Variants in RFX3 observed in about 807,000 individuals in gnomAD.
RFX3 encodes the protein transcription factor RFX3.
Under a neutral mutation model 98.6 loss-of-function variants are expected in RFX3, and 14 were observed. The observed-to-expected ratio is 0.14, with a 90% CI of 0.09 to 0.22. The LOEUF (loss-of-function observed/expected upper bound fraction) is 0.22. RFX3 is among the 10% of genes least tolerant of loss of function. The pLI is 1.00. For synonymous variants in RFX3, 383 were observed against 328.4 expected, an observed-to-expected ratio of 1.17 and a Z score of -1.80; for missense variants, 639 against 926.9, an observed-to-expected ratio of 0.69 and a Z score of 4.03.
chr9:3,439,599 G>A (rs1046444316), intron 1 of RFX3, among the ~76,000 whole-genome samples: 6 of 151,890 alleles, frequency 4.0e-5, no homozygotes, highest in African/African-American at 1.4e-4. Context: ...GCTCACTCAA[G>A]AAGAAACAAA....
Position 3,482,514 on chromosome 9 carries a change from T to C in RFX3, c.-9+43233A>G, listed in dbSNP as rs530340149. Among the ~76,000 whole-genome samples the C allele has an allele frequency of 3.7e-4, 57 of 152,314 alleles. No homozygotes were observed. The South Asian group carries it at 0.012, about 32-fold the overall frequency. On this transcript the variant is annotated intron_variant, in intron 1 of 16. Transcript: ENST00000617270. ...TTATAATTGCAATTTAATAAAATTG[T>C]TTTCACTTAAAATAATGTCAACTGT... is the stretch of plus-strand genomic sequence containing the variant.
chr9:3,271,312 A>C (rs1209395092), intron 9 of RFX3, among the ~76,000 whole-genome samples, 194 bp from the exon 10 acceptor site: 1 of 151,980 alleles, frequency 6.6e-6, no homozygotes, highest in East Asian at 1.9e-4. Flanking sequence ...AAGAAGATAA[A>C]GAGGGGAAAA....
chr9:3,288,668 G>A (rs1471199579), intron 6 of RFX3, among the ~76,000 whole-genome samples: 1 of 152,012 alleles, frequency 6.6e-6, no homozygotes. Context: ...TTATTGTAAA[G>A]CATGTATATA....
At chr9:3,452,386 T>C (rs770656269) in intron 1 of RFX3, 4 of 313,988 alleles carry the variant, frequency 1.3e-5, no homozygotes, top group Non-Finnish European at 2.8e-5. Context: ...ACACTAGGAG[T>C]TCAAGTCCAG....
At chr9:3,410,903 C>T (rs1842412328) in intron 1 of RFX3, among the ~76,000 whole-genome samples, 1 of 152,088 alleles carries the variant, frequency 6.6e-6, no homozygotes, top group African/African-American at 2.4e-5. Flanking sequence ...TTACCCATGC[C>T]TAATTTACAT....
chr9:3,464,901 T>A (rs1010620355), intron 1 of RFX3, among the ~76,000 whole-genome samples: 1 of 151,820 alleles, frequency 6.6e-6, no homozygotes, highest in African/African-American at 2.4e-5. Flanking sequence ...CACATAAACA[T>A]GTAAATACTT....
chr9:3,453,234 A>G (rs1018943169), intron 1 of RFX3, among the ~76,000 whole-genome samples: 4 of 152,098 alleles, frequency 2.6e-5, no homozygotes, highest in African/African-American at 7.2e-5. Flanking sequence ...TGGATCCAGA[A>G]GCAACTCCCA....
At chr9:3,383,197 A>C (rs1236674112) in intron 2 of RFX3, among the ~76,000 whole-genome samples, 1 of 152,010 alleles carries the variant, frequency 6.6e-6, no homozygotes, top group Non-Finnish European at 1.5e-5. Flanking sequence ...TGATGTTCAT[A>C]CTTAGAGTCT....
chr9:3,482,450 G>A (rs1480752164), intron 1 of RFX3, among the ~76,000 whole-genome samples: 1 of 152,074 alleles, frequency 6.6e-6, no homozygotes, highest in Non-Finnish European at 1.5e-5. Flanking sequence ...GTACGTTTCT[G>A]TATTTTCTGA....
intron 5 of RFX3, among the ~76,000 whole-genome samples, chr9:3,295,423 G>A (rs966795430): frequency 4.6e-5 from 7 of 152,016 alleles, no homozygotes; most frequent in Non-Finnish European, 1.0e-4. Flanking sequence ...ACTAGACAGA[G>A]CAAGGGTTGA....
intron 3 of RFX3, among the ~76,000 whole-genome samples, chr9:3,332,720 G>A (rs1256432043): frequency 6.6e-6 from 1 of 152,044 alleles, no homozygotes; most frequent in Non-Finnish European, 1.5e-5. Context: ...CTCGAGACTT[G>A]GTATTAGCCA....
intron 4 of RFX3, among the ~76,000 whole-genome samples, chr9:3,315,749 C>G (rs1288194266): frequency 6.6e-6 from 1 of 152,174 alleles, no homozygotes; most frequent in South Asian, 2.1e-4. Flanking sequence ...ATAAACACCA[C>G]TATGCAAATA....
chr9:3,309,827 G>C (rs2130407713), intron 4 of RFX3, among the ~76,000 whole-genome samples: 1 of 152,270 alleles, frequency 6.6e-6, no homozygotes, highest in East Asian at 1.9e-4. Context: ...CCTTCTCATA[G>C]GATGGCCCTT....
At chr9:3,414,927 T>C (rs141634643) in intron 1 of RFX3, among the ~76,000 whole-genome samples, 3,773 of 135,356 alleles carry the variant, frequency 0.028, 82 homozygotes, top group Non-Finnish European at 0.042. Context: ...TATACTCATA[T>C]GTGTGTATAT....
intron 1 of RFX3, among the ~76,000 whole-genome samples, chr9:3,428,877 T>G (rs1844360795): frequency 6.6e-6 from 1 of 152,200 alleles, no homozygotes; most frequent in African/African-American, 2.4e-5. Flanking sequence ...ATACTAGATA[T>G]TCTCATTCAA....
chr9:3,502,235 G>A (rs898550875), intron 1 of RFX3, among the ~76,000 whole-genome samples: 8 of 151,176 alleles, frequency 5.3e-5, no homozygotes, highest in Non-Finnish European at 1.0e-4. Context: ...TCCAGCCTGG[G>A]AGACACAGCA....
At chr9:3,241,671 G>C (rs1337411495) in intron 15 of RFX3, among the ~76,000 whole-genome samples, 1 of 152,148 alleles carries the variant, frequency 6.6e-6, no homozygotes, top group Non-Finnish European at 1.5e-5. Context: ...ATGTAGATGA[G>C]CAGATTTACA....
At chr9:3,467,129 A>AGTATATACGTATATACATATATATTAT (rs1848337847) in intron 1 of RFX3, among the ~76,000 whole-genome samples, 1 of 131,648 alleles carries the variant, frequency 7.6e-6, no homozygotes, top group African/African-American at 3.3e-5. Context: ...CATATATGTA[A>AGTATATACGTATATACATATATATTAT]GTATATATGT....
At chr9:3,354,666 T>C (rs1835539864) in intron 2 of RFX3, among the ~76,000 whole-genome samples, 1 of 151,666 alleles carries the variant, frequency 6.6e-6, no homozygotes. Flanking sequence ...CAAACAAAAA[T>C]ACTTCTCCAG....
Sources: gnomAD v4.1 joint callset for allele counts (sites outside exome capture counted in the v4.1 genomes callset) on GRCh38, gnomAD v4.1.1 for gene constraint, MANE v1.5 for transcripts, NCBI Gene and HGNC (gene_info 2026-07-23, HGNC 2026-07-21) for gene names.